Variants in SLC44A3 observed in about 807,000 individuals in gnomAD.
The protein encoded by SLC44A3 is choline transporter-like protein 3.
SLC44A3 carries 74 observed loss-of-function variants against 75.4 expected under a neutral mutation model. That is an observed-to-expected ratio of 0.98 (90% CI 0.81 to 1.19). The LOEUF is 1.19. Ranked by LOEUF, SLC44A3 falls within the 50% of genes most tolerant of loss-of-function variation. The probability of loss-of-function intolerance (pLI) is 0.00; values close to 1 mark genes in which losing one functional copy is unlikely to be tolerated. For missense variants in SLC44A3, 700 were observed against 778.6 expected, an observed-to-expected ratio of 0.90 and a Z score of 1.20; for synonymous variants, 310 against 296.9, an observed-to-expected ratio of 1.04 and a Z score of -0.45.
chr1:94,889,281 G>A (rs1299515803), intron 12 of SLC44A3: 1 of 152,106 alleles, frequency 6.6e-6, no homozygotes, highest in Admixed American at 6.6e-5. Context: ...GTACAAAAGG[G>A]TTAATTTGTA....
At chr1:94,838,752 TCAAA>T (rs913442715) in intron 6 of SLC44A3, among the ~76,000 whole-genome samples, 1 of 152,208 alleles carries the variant, frequency 6.6e-6, no homozygotes, top group African/African-American at 2.4e-5. Flanking sequence ...TTCAATTGAC[TCAAA>T]CAAGATGCTT....
chr1:94,857,105 G>A (rs1055699981), intron 9 of SLC44A3, among the ~76,000 whole-genome samples: 12 of 152,124 alleles, frequency 7.9e-5, no homozygotes, highest in Non-Finnish European at 1.6e-4. Flanking sequence ...CAGGTGTCTT[G>A]GAAATTGCCT....
At chr1:94,870,106 G>T (rs915123579) in intron 12 of SLC44A3, among the ~76,000 whole-genome samples, 6 of 152,232 alleles carry the variant, frequency 3.9e-5, no homozygotes. Context: ...TCACTTACAA[G>T]GTGGGGAATG....
At chr1:94,867,502 T>G in intron 12 of SLC44A3, 85 bp downstream of exon 12, 1 of 1,086,066 alleles carries the variant, frequency 9.2e-7, no homozygotes, top group Admixed American at 2.3e-5. Context: ...GGCAAATTCT[T>G]CTCTAAGGGG....
intron 12 of SLC44A3, among the ~76,000 whole-genome samples, chr1:94,889,030 G>A (rs1669918707): frequency 6.6e-6 from 1 of 151,970 alleles, no homozygotes; most frequent in Admixed American, 6.6e-5. Flanking sequence ...CAAAGTGCAG[G>A]GATTACAGGC....
intron 7 of SLC44A3, 35 bp downstream of exon 7, chr1:94,840,072 A>G (rs201670694): frequency 1.3e-6 from 2 of 1,552,562 alleles, no homozygotes; most frequent in Admixed American, 3.3e-5. Flanking sequence ...TTTCTTTTCG[A>G]TTAAATGAAA....
intron 9 of SLC44A3, among the ~76,000 whole-genome samples, chr1:94,854,530 A>G (rs1253955446): frequency 6.6e-6 from 1 of 152,232 alleles, no homozygotes; most frequent in African/African-American, 2.4e-5. Context: ...AGCAACTGTC[A>G]TGTGATGAGG....
intron 12 of SLC44A3, among the ~76,000 whole-genome samples, chr1:94,869,039 G>A (rs1490989461): frequency 6.6e-6 from 1 of 152,262 alleles, no homozygotes; most frequent in Non-Finnish European, 1.5e-5. Context: ...TCCACTTTAT[G>A]TGGTTTAGGG....
At chr1:94,889,008 C>T (rs545556799) in intron 12 of SLC44A3, among the ~76,000 whole-genome samples, 91 of 152,114 alleles carry the variant, frequency 6.0e-4, no homozygotes, top group Middle Eastern at 3.4e-3. Context: ...TCTGCCCCAA[C>T]CCCTGGCCTC....
rs1196464001 is a variant in SLC44A3, at chr1:94,828,505, G to A, written c.428G>A (p.Cys143Tyr). ...FFANTSGSFL[C>Y]VYSLNSFNYT... ...GTTCTGCTTCCAGGGTCCTTCCTGT[G>A]TGTTTATAGTTTGAATTCCTTCAAC... The change falls in exon 5 of 15, where the codon TGT becomes TAT. Residue 143 changes from cysteine to tyrosine, a missense_variant. Cys to Tyr is a radical substitution (Grantham distance 194, BLOSUM62 -2). Coordinates refer to ENST00000271227, the MANE Select transcript of SLC44A3 (RefSeq NM_001114106.3). 2 of 1,613,528 alleles carry A rather than the reference G, an allele frequency of 1.2e-6. No homozygotes were observed. The highest frequency in any genetic ancestry group is 2.2e-5 in the East Asian group (1 of 44,870).
At chr1:94,869,172 G>A (rs1417023592) in intron 12 of SLC44A3, among the ~76,000 whole-genome samples, 1 of 152,246 alleles carries the variant, frequency 6.6e-6, no homozygotes. Flanking sequence ...CCTGAGATAC[G>A]TATTTTCCTG....
At chr1:94,839,444 G>A (rs1237950224) in intron 6 of SLC44A3, among the ~76,000 whole-genome samples, 1 of 151,782 alleles carries the variant, frequency 6.6e-6, no homozygotes, top group Admixed American at 6.6e-5. Flanking sequence ...CTGGAGTACA[G>A]TGCCATGATC....
At chr1:94,838,361 C>T (rs1193046543) in intron 6 of SLC44A3, among the ~76,000 whole-genome samples, 2 of 152,336 alleles carry the variant, frequency 1.3e-5, no homozygotes, top group African/African-American at 2.4e-5. Context: ...GACATACCTG[C>T]TTTGGGTTGT....
rs148388726 is a variant in SLC44A3, at chr1:94,857,449, C to A, written c.1187C>A (p.Ala396Glu). The A allele has an allele frequency of 6.8e-6, 11 of 1,613,722 alleles. 1 individual carries two copies. The highest frequency in any genetic ancestry group is 6.6e-5 in the South Asian group (6 of 91,026). ...GLIWTSEFIL[A>E]CQQMTIAGAV... Reference sequence around the variant, plus strand: ...ATCTGGACTAGTGAATTCATCCTTGCGTGCCAGCAAATGACTATAGCTGGG... The same window carrying A: ...ATCTGGACTAGTGAATTCATCCTTGAGTGCCAGCAAATGACTATAGCTGGG... The change falls in exon 10 of 15, where the codon GCG (alanine) becomes GAG (glutamate). Residue 396 changes from alanine to glutamate, a missense_variant. Coordinates refer to ENST00000271227, the MANE Select transcript of SLC44A3 (RefSeq NM_001114106.3).
At position 94,894,871 on chromosome 1, in the gene SLC44A3, G is replaced by A. The variant is rs1490706337; in HGVS notation, c.1911G>A (p.Lys637=). 2 of 1,612,544 alleles carry A rather than the reference G, an allele frequency of 1.2e-6. No individual in the cohort carries two copies. Among genetic ancestry groups the A allele is most frequent in the Non-Finnish European group, 8.5e-7 (1 of 1,179,008 alleles). Residue 637 remains lysine, a synonymous_variant, in exon 15 of 15, where the codon AAG becomes AAA. Transcript: ENST00000271227. ...KLNNARAQQD[K]HSLRNEEGTE... ...ACAATGCAAGGGCACAGCAGGACAA[G>A]CACTCATTAAGGAATGAGGAGGGAA...
intron 12 of SLC44A3, among the ~76,000 whole-genome samples, chr1:94,882,261 G>A (rs1669089219): frequency 6.6e-6 from 1 of 152,206 alleles, no homozygotes; most frequent in African/African-American, 2.4e-5. Context: ...TCATCCTCGT[G>A]GCTCCAAAAG....
intron 12 of SLC44A3, among the ~76,000 whole-genome samples, chr1:94,871,806 G>A (rs1432807847): frequency 6.6e-6 from 1 of 152,112 alleles, no homozygotes; most frequent in Non-Finnish European, 1.5e-5. Context: ...AATCAATAAA[G>A]TAAAGCGTGT....
intron 5 of SLC44A3, among the ~76,000 whole-genome samples, chr1:94,836,161 C>T (rs934779934): frequency 1.3e-5 from 2 of 152,296 alleles, no homozygotes; most frequent in East Asian, 3.9e-4. Flanking sequence ...TTATACATTG[C>T]ACAAAATGAT....
At chr1:94,888,671 C>T (rs555587008) in intron 12 of SLC44A3, 70 of 983,652 alleles carry the variant, frequency 7.1e-5, no homozygotes, top group Middle Eastern at 1.0e-3. Flanking sequence ...ATTCATCTGA[C>T]GTCTCACTGA....
Sources: gnomAD v4.1 joint callset for allele counts (sites outside exome capture counted in the v4.1 genomes callset) on GRCh38, gnomAD v4.1.1 for gene constraint, MANE v1.5 for transcripts, NCBI Gene and HGNC (gene_info 2026-07-23, HGNC 2026-07-21) for gene names.